COL23A1: variants seen among roughly 807,000 people sequenced by gnomAD.
COL23A1 encodes the protein collagen alpha-1(XXIII) chain.
A neutral mutation model predicts 99.3 loss-of-function variants in COL23A1; 97 were observed. The observed-to-expected ratio is 0.98, with a 90% CI of 0.83 to 1.16. The LOEUF is 1.16. Among genes scored for constraint, COL23A1 ranks in the 50% most tolerant of loss-of-function variants. The pLI, the probability that COL23A1 is intolerant of heterozygous loss-of-function variation, is 0.00. For missense variants in COL23A1, 762 were observed against 757.4 expected, an observed-to-expected ratio of 1.01 and a Z score of -0.07; for synonymous variants, 320 against 308.2, an observed-to-expected ratio of 1.04 and a Z score of -0.40.
intron 2 of COL23A1, among the ~76,000 whole-genome samples, chr5:178,373,307 C>T (rs963014688): frequency 6.6e-6 from 1 of 152,218 alleles, no homozygotes. Flanking sequence ...GTGAGATGGG[C>T]ACAGGACAAG....
At chr5:178,499,902 A>G (rs1240915524) in intron 2 of COL23A1, among the ~76,000 whole-genome samples, 1 of 152,254 alleles carries the variant, frequency 6.6e-6, no homozygotes, top group Non-Finnish European at 1.5e-5. Flanking sequence ...TAAATGCTAC[A>G]CCATGGGTGA....
intron 2 of COL23A1, among the ~76,000 whole-genome samples, chr5:178,352,703 T>C (rs1425420822): frequency 6.6e-6 from 1 of 152,168 alleles, no homozygotes; most frequent in Non-Finnish European, 1.5e-5. Context: ...GAAGATGCAT[T>C]CTCTTTCTAA....
In COL23A1 at chr5:178,238,485, T is replaced by C. The variant is rs1544925; in HGVS notation, c.*213A>G. 48,928 of 603,042 alleles carry C rather than the reference T, an allele frequency of 0.081. 2,695 individuals are homozygous for C. The highest frequency in any genetic ancestry group is 0.2 in the African/African-American group (10,831 of 53,696). 37.4% of individuals were successfully genotyped at this position (603,042 alleles called of 1,614,324 possible). On this transcript the variant is annotated 3_prime_UTR_variant, in exon 29 of 29. Coordinates refer to ENST00000390654, the MANE Select transcript of COL23A1 (RefSeq NM_173465.4). ...TCCTGGGAAAGCCCAGGCCCAAGGG[T>C]GCCCCTCAGGTACACATCTCCCTGG...
intron 21 of COL23A1, 74 bp from the exon 22 acceptor site, chr5:178,247,626 C>G: frequency 6.3e-7 from 1 of 1,596,368 alleles, no homozygotes. Flanking sequence ...GCCCCTGGGG[C>G]CCTGTCCTGG....
intron 2 of COL23A1, among the ~76,000 whole-genome samples, chr5:178,455,849 A>G (rs1465950351): frequency 6.7e-6 from 1 of 150,178 alleles, no homozygotes; most frequent in African/African-American, 2.4e-5. Flanking sequence ...GACTCCACCT[A>G]AGGCCATTCC....
chr5:178,578,161 A>G (rs1225938327), intron 1 of COL23A1, among the ~76,000 whole-genome samples: 1 of 151,970 alleles, frequency 6.6e-6, no homozygotes, highest in East Asian at 1.9e-4. Context: ...ACACACAGGC[A>G]TACTTACGTG....
At chr5:178,261,581 C>A in intron 11 of COL23A1, 141 bp downstream of exon 11, 1 of 656,884 alleles carries the variant, frequency 1.5e-6, no homozygotes, top group East Asian at 2.5e-5. Context: ...GTAACTTGCC[C>A]ATGGTCCAGG....
At chr5:178,418,872 T>C (rs915984327) in intron 2 of COL23A1, among the ~76,000 whole-genome samples, 3 of 152,188 alleles carry the variant, frequency 2.0e-5, no homozygotes, top group Admixed American at 2.0e-4. Flanking sequence ...CCAGGTATCA[T>C]GCAAAGACTA....
chr5:178,547,839 ACCCACCCACC>A (rs1761756087), intron 2 of COL23A1, among the ~76,000 whole-genome samples: 2 of 10,688 alleles, frequency 1.9e-4, no homozygotes, highest in Non-Finnish European at 1.5e-4. Flanking sequence ...ACACCCCCAC[ACCCACCCACC>A]TACACACACC....
chr5:178,244,955 CCAT>C (rs59554681), intron 25 of COL23A1, among the ~76,000 whole-genome samples: 18,087 of 140,412 alleles, frequency 0.13, 1,800 homozygotes, highest in East Asian at 0.36. Context: ...CCCTCCACTG[CCAT>C]CATCATCCAT....
At chr5:178,247,069 G>A (rs72819015) in intron 22 of COL23A1, among the ~76,000 whole-genome samples, 11,301 of 152,148 alleles carry the variant, frequency 0.074, 494 homozygotes, top group Middle Eastern at 0.15. Context: ...GGCCACACTC[G>A]AGGACTTAAC....
chr5:178,523,201 T>TATATATAGAGAGAGAG (rs1223542330), intron 2 of COL23A1, among the ~76,000 whole-genome samples: 81 of 77,604 alleles, frequency 1.0e-3, no homozygotes, highest in South Asian at 2.1e-3. Flanking sequence ...TATATATATA[T>TATATATAGAGAGAGAG]AGAGAGAGAG....
At chr5:178,375,966 A>G (rs10079753) in intron 2 of COL23A1, among the ~76,000 whole-genome samples, 4 of 152,056 alleles carry the variant, frequency 2.6e-5, no homozygotes, top group African/African-American at 9.7e-5. Flanking sequence ...CTCGGCCTCC[A>G]AAAGTGTTGG....
Position 178,498,250 on chromosome 5 carries a change from ATAT to A in COL23A1, c.361+62429_361+62431del, listed in dbSNP as rs1562025741. 1.1e-3 allele frequency among the ~76,000 whole-genome samples: 78 copies of A among 72,072 alleles called. 6 individuals carry two copies. The highest frequency in any genetic ancestry group is 6.4e-3 in the African/African-American group (75 of 11,682). The allele number at this position is 72,072 out of a possible 152,430, so 47.3% of individuals were successfully genotyped here. On this transcript the variant is annotated intron_variant, in intron 2 of 28. Coordinates refer to ENST00000390654, the MANE Select transcript of COL23A1 (RefSeq NM_173465.4). ...TATATATATATATATATATATATATATATATATAAAAGAACTTAAAAATAAAAA... is the reference window on the plus strand; with the variant it reads ...TATATATATATATATATATATATATAATATAAAAGAACTTAAAAATAAAAA...
chr5:178,461,366 G>C (rs900060445), intron 2 of COL23A1, among the ~76,000 whole-genome samples: 3 of 152,226 alleles, frequency 2.0e-5, no homozygotes, highest in African/African-American at 7.2e-5. Flanking sequence ...GAGGAGCTGA[G>C]TAGAGTCAGG....
chr5:178,274,987 TC>T (rs1268481312), intron 5 of COL23A1, among the ~76,000 whole-genome samples: 3 of 152,218 alleles, frequency 2.0e-5, no homozygotes, highest in Admixed American at 2.0e-4. Context: ...CCGGGATGTT[TC>T]CGGATGTGTG....
rs200186472 is a variant in COL23A1 at position 178,263,210 on chromosome 5, C to T, written c.637G>A (p.Ala213Thr). ...KDGPRGAQGP[A>T]GPKGEPGQDG... ...CCCAACTCCATGCCCTCTCTTACCG[C>T]TGGGCCTTGTGCTCCCCTGGGGCCA... The change falls in exon 9 of 29, where the codon GCG (alanine) becomes ACG (threonine). Residue 213 changes from alanine to threonine, a missense_variant and splice_region_variant. Ala to Thr is a moderately conservative substitution (Grantham distance 58). Transcript: ENST00000390654. 6 of 1,612,128 alleles carry T rather than the reference C, an allele frequency of 3.7e-6. No homozygotes were observed. The highest frequency in any genetic ancestry group is 3.3e-5 in the Admixed American group (2 of 60,006).
chr5:178,376,307 C>T (rs1243852377), intron 2 of COL23A1, among the ~76,000 whole-genome samples: 2 of 152,208 alleles, frequency 1.3e-5, no homozygotes, highest in Admixed American at 1.3e-4. Context: ...GGTTGGTGCT[C>T]GGTGAACATG....
At chr5:178,571,945 G>C (rs1763122594) in intron 1 of COL23A1, among the ~76,000 whole-genome samples, 1 of 152,106 alleles carries the variant, frequency 6.6e-6, no homozygotes, top group Admixed American at 6.6e-5. Flanking sequence ...GCGGGCGCCT[G>C]TAGTCCCAGC....
Sources: gnomAD v4.1 joint callset for allele counts (sites outside exome capture counted in the v4.1 genomes callset) on GRCh38, gnomAD v4.1.1 for gene constraint, MANE v1.5 for transcripts, NCBI Gene and HGNC (gene_info 2026-07-23, HGNC 2026-07-21) for gene names.